BAIAP2L1: variants seen among roughly 807,000 people sequenced by gnomAD.
The protein encoded by BAIAP2L1 is BAR/IMD domain containing adaptor protein 2 like 1, also known as BAR/IMD domain-containing adapter protein 2-like 1.
BAIAP2L1 carries 35 observed loss-of-function variants against 66.3 expected under a neutral mutation model. The ratio of observed to expected loss-of-function variants is 0.53; its 90% CI spans 0.40 to 0.70. BAIAP2L1 has a LOEUF of 0.70. Ranked by LOEUF, BAIAP2L1 falls within the 30% of genes least tolerant of loss-of-function variation. BAIAP2L1 has a pLI of 0.00. For synonymous variants in BAIAP2L1, 269 were observed against 248.7 expected, an observed-to-expected ratio of 1.08 and a Z score of -0.77; for missense variants, 622 against 656.9, an observed-to-expected ratio of 0.95 and a Z score of 0.58.
chr7:98,351,697 T>A (rs1802004976), intron 3 of BAIAP2L1, among the ~76,000 whole-genome samples: 1 of 152,192 alleles, frequency 6.6e-6, no homozygotes, highest in Non-Finnish European at 1.5e-5. Context: ...ACTGACAACC[T>A]GCTGCTCCTC....
At chr7:98,368,811 T>A (rs114893055) in intron 1 of BAIAP2L1, among the ~76,000 whole-genome samples, 3,047 of 151,964 alleles carry the variant, frequency 0.02, 105 homozygotes, top group African/African-American at 0.068. Flanking sequence ...TTTTATTTTT[T>A]TTTTTTGGCT....
At chr7:98,364,615 T>G (rs1439418443) in intron 1 of BAIAP2L1, among the ~76,000 whole-genome samples, 1 of 152,158 alleles carries the variant, frequency 6.6e-6, no homozygotes, top group Non-Finnish European at 1.5e-5. Context: ...TGTCTGAAAT[T>G]ATCTTTACCT....
chr7:98,348,283 C>T (rs1368858899), intron 3 of BAIAP2L1, among the ~76,000 whole-genome samples: 2 of 151,852 alleles, frequency 1.3e-5, no homozygotes, highest in African/African-American at 4.8e-5. Flanking sequence ...AATATATATT[C>T]TGGCCAGGCG....
At chr7:98,383,208 G>GA (rs372265125) in intron 1 of BAIAP2L1, among the ~76,000 whole-genome samples, 2 of 148,128 alleles carry the variant, frequency 1.4e-5, no homozygotes, top group Non-Finnish European at 3.0e-5. Flanking sequence ...GAAAAGAAAA[G>GA]AAAGAATGGA....
chr7:98,369,499 A>C (rs1260065126), intron 1 of BAIAP2L1, among the ~76,000 whole-genome samples: 2 of 151,936 alleles, frequency 1.3e-5, no homozygotes, highest in East Asian at 3.9e-4. Context: ...AATTCATATG[A>C]TATTCTTATG....
intron 3 of BAIAP2L1, among the ~76,000 whole-genome samples, chr7:98,323,681 G>A (rs898183601): frequency 3.3e-5 from 5 of 152,206 alleles, no homozygotes; most frequent in African/African-American, 7.2e-5. Context: ...GCGGAGAGGC[G>A]CAGTGAAGCA....
chr7:98,346,362 C>T (rs1205778798), intron 3 of BAIAP2L1, among the ~76,000 whole-genome samples: 2 of 151,994 alleles, frequency 1.3e-5, no homozygotes, highest in Admixed American at 6.6e-5. Context: ...GCTACAGAAA[C>T]GAAAGAAATC....
chr7:98,315,639 A>ATAATAC, intron 6 of BAIAP2L1, 27 bp from the exon 7 acceptor site: 1 of 1,087,746 alleles, frequency 9.2e-7, no homozygotes, highest in Non-Finnish European at 1.2e-6. Context: ...AATAATAATA[A>ATAATAC]TAATTATATA....
In BAIAP2L1 at chr7:98,292,417, C is replaced by T. The variant is rs1584404256; in HGVS notation, c.*1104G>A. On this transcript the variant is annotated 3_prime_UTR_variant, in exon 14 of 14. Transcript: ENST00000005260. ...AGAGACTCCTGACCTCAGGTGATCC[C>T]CCTGCCTCGGCCTCACAAAATGCTG... 3.6e-6 allele frequency: 2 copies of T among 562,548 alleles called. No individual in the cohort carries two copies. Among genetic ancestry groups the T allele is most frequent in the Non-Finnish European group, 6.3e-6 (2 of 315,772 alleles). 34.8% of individuals were successfully genotyped at this position (562,548 alleles called of 1,614,324 possible).
chr7:98,326,232 G>A (rs1463500721), intron 3 of BAIAP2L1, among the ~76,000 whole-genome samples: 1 of 152,158 alleles, frequency 6.6e-6, no homozygotes, highest in African/African-American at 2.4e-5. Flanking sequence ...AGCCATGACT[G>A]TGCCACTGTA....
intron 7 of BAIAP2L1, among the ~76,000 whole-genome samples, chr7:98,313,103 C>T (rs1399971843): frequency 6.6e-6 from 1 of 150,980 alleles, no homozygotes; most frequent in East Asian, 2.0e-4. Context: ...GACCCCCTCA[C>T]ACCACCCCTG....
chr7:98,367,258 A>G (rs6968222), intron 1 of BAIAP2L1, among the ~76,000 whole-genome samples: 2,489 of 152,256 alleles, frequency 0.016, 75 homozygotes, highest in African/African-American at 0.057. Context: ...TAACCATAGT[A>G]TATTATCAAA....
At position 98,312,218 on chromosome 7, in the gene BAIAP2L1, C is replaced by T; in HGVS notation, c.686G>A (p.Cys229Tyr). The T allele has an allele frequency of 6.2e-7, 1 of 1,614,062 alleles. No individual in the cohort carries two copies. Among genetic ancestry groups the T allele is most frequent in the Non-Finnish European group, 8.5e-7 (1 of 1,180,006 alleles). The change falls in exon 8 of 14, where the codon TGT (cysteine) becomes TAT (tyrosine). Residue 229 changes from cysteine to tyrosine, a missense_variant. Cys to Tyr is a radical substitution (Grantham distance 194). Coordinates refer to ENST00000005260, the MANE Select transcript of BAIAP2L1 (RefSeq NM_018842.5). ...NSKLPRWQET[C>Y]VDAIKVPEKI... The stretch of plus-strand genomic sequence containing the variant: ...CTCTGGCACTTTGATGGCATCAACA[C>T]AGGTCTCCTGCCACCGAGGCAGCTT...
At position 98,388,987 on chromosome 7, in the gene BAIAP2L1, A is replaced by AAC. The variant is rs1554341306; in HGVS notation, c.51+11814_51+11815insGT. Among the ~76,000 whole-genome samples the AAC allele has an allele frequency of 1.2e-3, 180 of 150,254 alleles. 1 individual carries two copies. Among genetic ancestry groups the AAC allele is most frequent in the Non-Finnish European group, 1.4e-3 (97 of 67,302 alleles). ...CCTAAGAAATTAAAAAAAAAAAACA[A>AAC]AAAACAAACCATTCAAGTTTTATCC... is the stretch of plus-strand genomic sequence containing the variant. On this transcript the variant is annotated intron_variant, in intron 1 of 13. Transcript: ENST00000005260.
chr7:98,332,102 C>G (rs1801507134), intron 3 of BAIAP2L1, among the ~76,000 whole-genome samples: 1 of 152,042 alleles, frequency 6.6e-6, no homozygotes, highest in Non-Finnish European at 1.5e-5. Context: ...AGGAACAGGG[C>G]TGGGCGCAGT....
In BAIAP2L1 at chr7:98,307,789, T is replaced by C. The variant is rs372396280; in HGVS notation, c.1063A>G (p.Asn355Asp). The part of the protein sequence containing the change: ...KTIFPHTAGS[N>D]KTLLSFAQGD... Reference sequence around the variant, plus strand: ...TGTGCAAAGCTGAGTAAGGTCTTGTTGGAGCCCGCAGTGTGCGGGAAGATG... The same window carrying C: ...TGTGCAAAGCTGAGTAAGGTCTTGTCGGAGCCCGCAGTGTGCGGGAAGATG... Residue 355 changes from asparagine to aspartate, a missense_variant, in exon 10 of 14, where the codon AAC becomes GAC. Asn to Asp is a conservative substitution (Grantham distance 23). Transcript: ENST00000005260. 2.5e-6 allele frequency: 4 copies of C among 1,614,150 alleles called. No individual in the cohort carries two copies. The African/African-American group carries it at 5.3e-5, about 22-fold the overall frequency.
chr7:98,361,155 G>A (rs756711486), intron 2 of BAIAP2L1, among the ~76,000 whole-genome samples: 3 of 152,056 alleles, frequency 2.0e-5, no homozygotes, highest in Non-Finnish European at 2.9e-5. Context: ...TCAGGAGTTC[G>A]AGACCAGCCT....
At chr7:98,357,041 ATATATATATTTT>A (rs1324479235) in intron 2 of BAIAP2L1, among the ~76,000 whole-genome samples, 8 of 17,616 alleles carry the variant, frequency 4.5e-4, no homozygotes, top group Admixed American at 2.5e-3. Context: ...ATATATATAT[ATATATATATTTT>A]TTTTTTTTTT....
At chr7:98,357,043 ATATATATTTTTTTTTTT>A (rs1275740050) in intron 2 of BAIAP2L1, among the ~76,000 whole-genome samples, 1 of 16,764 alleles carries the variant, frequency 6.0e-5, no homozygotes, top group African/African-American at 2.1e-4. Context: ...ATATATATAT[ATATATATTTTTTTTTTT>A]TTTTTTTTAA....
Sources: allele counts gnomAD v4.1 joint callset (sites outside exome capture counted in the v4.1 genomes callset), GRCh38; gene constraint gnomAD v4.1.1; transcripts MANE v1.5; gene names NCBI Gene and HGNC (gene_info 2026-07-23, HGNC 2026-07-21).